Variants in PDE4D observed in about 807,000 individuals in gnomAD.
PDE4D encodes the protein 3',5'-cyclic-AMP phosphodiesterase 4D.
PDE4D carries 24 observed loss-of-function variants against 87.4 expected under a neutral mutation model. The ratio of observed to expected loss-of-function variants is 0.27; its 90% confidence interval spans 0.20 to 0.39. The LOEUF is 0.39. Ranked by LOEUF, PDE4D falls within the 10% of genes least tolerant of loss-of-function variation. The pLI, the probability that PDE4D is intolerant of heterozygous loss-of-function variation, is 1.00. For synonymous variants in PDE4D, 384 were observed against 383.2 expected (o/e 1.00, Z -0.02); for missense variants, 714 against 1,041.0 (o/e 0.69, Z 4.32).
chr5:59,509,265 G>T (rs961220148), intron 1 of PDE4D, among the ~76,000 whole-genome samples: 9 of 151,892 alleles, frequency 5.9e-5, no homozygotes, highest in African/African-American at 2.2e-4. Flanking sequence ...AGAAGTAGTT[G>T]TCAACCCAGT....
At chr5:60,327,455 T>C (rs1756902946) in intron 1 of PDE4D, among the ~76,000 whole-genome samples, 1 of 152,200 alleles carries the variant, frequency 6.6e-6, no homozygotes, top group African/African-American at 2.4e-5. Flanking sequence ...AGAAAATGAT[T>C]AGACTGCCCT....
intron 1 of PDE4D, among the ~76,000 whole-genome samples, chr5:59,543,268 G>T (rs1008159014): frequency 6.6e-6 from 1 of 152,106 alleles, no homozygotes; most frequent in Non-Finnish European, 1.5e-5. Flanking sequence ...TGAATTTTTT[G>T]AGCCTGTTTT....
At chr5:60,337,595 C>T (rs1460329795) in intron 1 of PDE4D, among the ~76,000 whole-genome samples, 1 of 151,676 alleles carries the variant, frequency 6.6e-6, no homozygotes, top group Admixed American at 6.6e-5. Context: ...ATGGATTTTA[C>T]TGTAAATAAA....
At chr5:60,328,689 A>C (rs1306564610) in intron 1 of PDE4D, among the ~76,000 whole-genome samples, 1 of 152,248 alleles carries the variant, frequency 6.6e-6, no homozygotes, top group African/African-American at 2.4e-5. Context: ...GAAATGAAAT[A>C]GCTAGTACAT....
intron 1 of PDE4D, among the ~76,000 whole-genome samples, chr5:59,795,854 A>C (rs1306291156): frequency 6.6e-6 from 1 of 152,186 alleles, no homozygotes; most frequent in Non-Finnish European, 1.5e-5. Flanking sequence ...AGGTCATTAG[A>C]GTGGGCCTTA....
At chr5:59,317,774 T>C (rs1774021671) in intron 1 of PDE4D, among the ~76,000 whole-genome samples, 1 of 152,118 alleles carries the variant, frequency 6.6e-6, no homozygotes, top group South Asian at 2.1e-4. Flanking sequence ...GAATTTCCCT[T>C]AATTTTTTCC....
intron 1 of PDE4D, among the ~76,000 whole-genome samples, chr5:59,368,235 T>A (rs763788777): frequency 2.6e-5 from 4 of 152,234 alleles, no homozygotes; most frequent in Non-Finnish European, 5.9e-5. Context: ...AATAGGAAAT[T>A]AGCATCTATG....
chr5:59,134,112 T>G (rs1263339908), intron 5 of PDE4D, among the ~76,000 whole-genome samples: 1 of 150,250 alleles, frequency 6.7e-6, no homozygotes, highest in South Asian at 2.1e-4. Context: ...TTTTGCTTTC[T>G]TGGGATTGCA....
intron 1 of PDE4D, among the ~76,000 whole-genome samples, chr5:59,820,715 A>G (rs1286247237): frequency 1.3e-5 from 2 of 152,192 alleles, no homozygotes; most frequent in African/African-American, 2.4e-5. Flanking sequence ...AAATCATTCT[A>G]TGGGCTTGCT....
intron 2 of PDE4D, among the ~76,000 whole-genome samples, chr5:60,087,246 A>G (rs993633477): frequency 1.3e-5 from 2 of 152,238 alleles, no homozygotes; most frequent in East Asian, 1.9e-4. Context: ...AAGTTTCATT[A>G]CTAAGGAATA....
chr5:60,452,016 A>G (rs573348212), intron 1 of PDE4D, among the ~76,000 whole-genome samples: 39 of 152,284 alleles, frequency 2.6e-4, no homozygotes, highest in African/African-American at 8.2e-4. Context: ...TCAATAGCCC[A>G]AAAGACAGTC....
chr5:59,148,994 A>G (rs1202462243), intron 5 of PDE4D, among the ~76,000 whole-genome samples: 1 of 152,092 alleles, frequency 6.6e-6, no homozygotes, highest in East Asian at 1.9e-4. Context: ...CAGGATAGGA[A>G]TAGGAGATGC....
intron 6 of PDE4D, among the ~76,000 whole-genome samples, chr5:58,998,041 A>C (rs1735273169): frequency 6.6e-6 from 1 of 152,076 alleles, no homozygotes; most frequent in Non-Finnish European, 1.5e-5. Flanking sequence ...AATCATTTGA[A>C]TATGCTGCAC....
At chr5:59,234,493 A>G (rs1213849376) in intron 1 of PDE4D, among the ~76,000 whole-genome samples, 1 of 152,326 alleles carries the variant, frequency 6.6e-6, no homozygotes, top group Admixed American at 6.5e-5. Context: ...TAGTCATGAC[A>G]GAATCCTCAG....
chr5:59,297,602 A>G (rs1001123625), intron 1 of PDE4D, among the ~76,000 whole-genome samples: 1 of 152,144 alleles, frequency 6.6e-6, no homozygotes, highest in Non-Finnish European at 1.5e-5. Flanking sequence ...ACTAAAGTAA[A>G]GTTTCAGTGA....
At chr5:59,584,872 A>G (rs1333153049) in intron 1 of PDE4D, among the ~76,000 whole-genome samples, 1 of 152,230 alleles carries the variant, frequency 6.6e-6, no homozygotes, top group Non-Finnish European at 1.5e-5. Flanking sequence ...AAGAAAAATA[A>G]TTGACAAATG....
Position 59,893,151 on chromosome 5 carries a change from G to T in PDE4D, c.455+17C>A. 1.9e-6 allele frequency: 3 copies of T among 1,548,796 alleles called. No homozygotes were observed. In the South Asian group the frequency reaches 3.6e-5, roughly 19 times the overall value. On this transcript the variant is annotated intron_variant, in intron 1 of 14. Coordinates refer to ENST00000340635, the MANE Select transcript of PDE4D (RefSeq NM_001104631.2). ...TGACCCTTTGCCTGAATGGGGGAGG[G>T]GGCGCTCTCCACTCACCGCCTGAGT...
chr5:59,747,050 C>T (rs994687641), intron 1 of PDE4D, among the ~76,000 whole-genome samples: 11 of 152,172 alleles, frequency 7.2e-5, no homozygotes, highest in African/African-American at 2.7e-4. Context: ...ATCTTTTCCT[C>T]CCACGGTCTC....
intron 2 of PDE4D, among the ~76,000 whole-genome samples, chr5:60,002,788 C>T (rs924792222): frequency 7.9e-5 from 12 of 152,084 alleles, no homozygotes; most frequent in Admixed American, 2.0e-4. Flanking sequence ...AGACAATAAA[C>T]GCCATATTTG....
Sources: allele counts gnomAD v4.1 joint callset (sites outside exome capture counted in the v4.1 genomes callset), GRCh38; gene constraint gnomAD v4.1.1; transcripts MANE v1.5; gene names NCBI Gene and HGNC (gene_info 2026-07-23, HGNC 2026-07-21).